LINGO2: variants seen among roughly 807,000 people sequenced by gnomAD.
LINGO2 encodes the protein leucine-rich repeat and immunoglobulin-like domain-containing nogo receptor-interacting protein 2.
In LINGO2, 14 loss-of-function variants were observed where a neutral mutation model predicts 30.6. That is an observed-to-expected ratio of 0.46 (90% CI 0.30 to 0.72). The LOEUF (loss-of-function observed/expected upper bound fraction) is 0.72. Among genes scored for constraint, LINGO2 ranks in the 30% least tolerant of loss-of-function variants. The probability of loss-of-function intolerance (pLI) is 0.07; values close to 1 mark genes in which losing one functional copy is unlikely to be tolerated. For missense variants in LINGO2, 729 were observed against 751.7 expected, an observed-to-expected ratio of 0.97 and a Z score of 0.35; for synonymous variants, 317 against 288.5, an observed-to-expected ratio of 1.10 and a Z score of -1.00.
At chr9:28,498,204 A>G (rs1176755927) in intron 1 of LINGO2, among the ~76,000 whole-genome samples, 1 of 152,190 alleles carries the variant, frequency 6.6e-6, no homozygotes. Flanking sequence ...GGGACATTTA[A>G]GTCTGCAGAG....
At chr9:28,153,616 C>A (rs1828057554) in intron 4 of LINGO2, among the ~76,000 whole-genome samples, 3 of 152,128 alleles carry the variant, frequency 2.0e-5, no homozygotes, top group Non-Finnish European at 4.4e-5. Context: ...TTCCAGTGGT[C>A]TTTACTTCAG....
At chr9:28,678,279 T>C in the LINGO2 span, among the ~76,000 whole-genome samples, 1 of 152,128 alleles carries the variant, frequency 6.6e-6, no homozygotes, top group African/African-American at 2.4e-5. Flanking sequence ...GCTGAAAGTT[T>C]CATTCTATTT....
chr9:28,771,447 T>C, the LINGO2 span, among the ~76,000 whole-genome samples: 53 of 147,846 alleles, frequency 3.6e-4, no homozygotes, highest in Admixed American at 3.7e-3. Context: ...TTTTCTTTCC[T>C]ATTTGGTGTG....
chr9:29,165,847 G>T, the LINGO2 span, among the ~76,000 whole-genome samples: 2 of 152,002 alleles, frequency 1.3e-5, no homozygotes, highest in Non-Finnish European at 2.9e-5. Flanking sequence ...CTTTCTGTTG[G>T]ATCTTTGAAG....
intron 4 of LINGO2, among the ~76,000 whole-genome samples, chr9:28,099,937 G>C (rs1826361133): frequency 6.6e-6 from 1 of 152,100 alleles, no homozygotes; most frequent in African/African-American, 2.4e-5. Context: ...CATTTTACAA[G>C]TGTGATCATA....
intron 5 of LINGO2, among the ~76,000 whole-genome samples, chr9:27,966,254 C>T (rs2118672478): frequency 6.6e-6 from 1 of 152,156 alleles, no homozygotes; most frequent in African/African-American, 2.4e-5. Flanking sequence ...TTTTATATTA[C>T]AGCTGAAAAC....
chr9:29,020,026 G>A, the LINGO2 span, among the ~76,000 whole-genome samples: 1 of 152,148 alleles, frequency 6.6e-6, no homozygotes, highest in African/African-American at 2.4e-5. Context: ...GATAGCATGT[G>A]ATGGCTGAAG....
At chr9:29,020,419 T>C in the LINGO2 span, among the ~76,000 whole-genome samples, 4 of 152,228 alleles carry the variant, frequency 2.6e-5, no homozygotes, top group Admixed American at 1.3e-4. Flanking sequence ...GGTATAATGA[T>C]TGCATTATCA....
intron 4 of LINGO2, among the ~76,000 whole-genome samples, chr9:28,184,858 G>T (rs1378568134): frequency 6.6e-6 from 1 of 152,086 alleles, no homozygotes; most frequent in Admixed American, 6.6e-5. Context: ...TCTGACCCAG[G>T]AGCCAAATAT....
chr9:28,836,292 C>T, the LINGO2 span, among the ~76,000 whole-genome samples: 6 of 152,126 alleles, frequency 3.9e-5, no homozygotes, highest in Non-Finnish European at 8.8e-5. Context: ...AGGCACTGCA[C>T]CCTTTGGCAT....
the LINGO2 span, among the ~76,000 whole-genome samples, chr9:29,182,627 T>C: frequency 6.6e-6 from 1 of 152,048 alleles, no homozygotes; most frequent in Non-Finnish European, 1.5e-5. Flanking sequence ...CAGATTACTC[T>C]TTTTTGGTTT....
At chr9:28,994,518 C>G in the LINGO2 span, among the ~76,000 whole-genome samples, 1 of 151,410 alleles carries the variant, frequency 6.6e-6, no homozygotes, top group African/African-American at 2.4e-5. Flanking sequence ...GAAAAAACTA[C>G]TTTAAAGTTC....
At chr9:28,627,540 C>T (rs973692684) in intron 1 of LINGO2, among the ~76,000 whole-genome samples, 2 of 152,032 alleles carry the variant, frequency 1.3e-5, no homozygotes, top group Non-Finnish European at 2.9e-5. Flanking sequence ...AGACAGAAAG[C>T]CAAGATCACT....
intron 1 of LINGO2, among the ~76,000 whole-genome samples, chr9:28,537,983 T>C (rs1228158376): frequency 6.6e-6 from 1 of 151,916 alleles, no homozygotes; most frequent in Non-Finnish European, 1.5e-5. Flanking sequence ...ACTGCCGGAT[T>C]GACAGTAGTG....
intron 4 of LINGO2, among the ~76,000 whole-genome samples, chr9:28,229,236 T>A (rs1450474176): frequency 1.3e-5 from 2 of 151,816 alleles, no homozygotes; most frequent in Admixed American, 1.3e-4. Flanking sequence ...TTTGTTCTTA[T>A]TTCATTAAAA....
the LINGO2 span, among the ~76,000 whole-genome samples, chr9:29,086,739 A>G: frequency 6.6e-6 from 1 of 152,186 alleles, no homozygotes; most frequent in Non-Finnish European, 1.5e-5. Context: ...GATAAGATAT[A>G]TGAGTTCATC....
At chr9:28,233,355 C>G (rs1305621190) in intron 4 of LINGO2, among the ~76,000 whole-genome samples, 2 of 151,898 alleles carry the variant, frequency 1.3e-5, no homozygotes, top group Non-Finnish European at 2.9e-5. Context: ...CAATTACAGT[C>G]TTAAGTCAAA....
chr9:27,968,597 T>C (rs1047541610), intron 5 of LINGO2, among the ~76,000 whole-genome samples: 9 of 151,992 alleles, frequency 5.9e-5, no homozygotes, highest in African/African-American at 1.2e-4. Flanking sequence ...TTTCTCTTCA[T>C]TTTTTATTTA....
the LINGO2 span, among the ~76,000 whole-genome samples, chr9:29,090,059 T>C: frequency 6.6e-6 from 1 of 152,062 alleles, no homozygotes; most frequent in Non-Finnish European, 1.5e-5. Context: ...TAAAGATATA[T>C]TAAATTATAA....
Sources: allele counts gnomAD v4.1 joint callset (sites outside exome capture counted in the v4.1 genomes callset), GRCh38; gene constraint gnomAD v4.1.1; transcripts MANE v1.5; gene names NCBI Gene and HGNC (gene_info 2026-07-23, HGNC 2026-07-21).